Variants in TBC1D4 observed in about 807,000 individuals in gnomAD.
TBC1D4 encodes the protein TBC (Tre-2, BUB2, CDC16) domain-containing protein.
TBC1D4 carries 121 observed loss-of-function variants against 142.5 expected under a neutral mutation model. That is an observed-to-expected ratio of 0.85 (90% CI 0.73 to 0.99). The LOEUF (loss-of-function observed/expected upper bound fraction) is 0.99, where lower values mean the gene tolerates loss of function less well. TBC1D4 is among the 50% of genes least tolerant of loss of function. The pLI, the probability that TBC1D4 is intolerant of heterozygous loss-of-function variation, is 0.00. For missense variants in TBC1D4, 1,475 were observed against 1,606.6 expected (o/e 0.92, Z 1.40); for synonymous variants, 630 against 628.2 (o/e 1.00, Z -0.04).
At chr13:75,376,740 A>G (rs1297859421) in intron 1 of TBC1D4, among the ~76,000 whole-genome samples, 2 of 152,196 alleles carry the variant, frequency 1.3e-5, no homozygotes, top group African/African-American at 4.8e-5. Context: ...TAGGGCAATA[A>G]CCCACAAGTA....
At chr13:75,463,967 C>T (rs1324867332) in intron 1 of TBC1D4, among the ~76,000 whole-genome samples, 1 of 152,186 alleles carries the variant, frequency 6.6e-6, no homozygotes, top group African/African-American at 2.4e-5. Context: ...GAAAAACCAA[C>T]TCAACTCATG....
At chr13:75,364,153 C>T (rs554408268) in intron 1 of TBC1D4, among the ~76,000 whole-genome samples, 18 of 152,280 alleles carry the variant, frequency 1.2e-4, no homozygotes, top group Non-Finnish European at 2.2e-4. Context: ...TCCTGATTGG[C>T]AATTGGTTCC....
rs187410021 is a variant in TBC1D4, at chr13:75,451,489, C to T, written c.498+29781G>A. Among the ~76,000 whole-genome samples the T allele has an allele frequency of 8.7e-5, 13 of 148,876 alleles. 1 individual carries two copies. Among genetic ancestry groups the T allele is most frequent in the African/African-American group, 2.9e-4 (12 of 40,846 alleles). ...AACATATATATTAATATTTATAATA[C>T]ATATTTTGAGTGAGACTCCATCTCT... On this transcript the variant is annotated intron_variant, in intron 1 of 20. Coordinates refer to ENST00000377636, the MANE Select transcript of TBC1D4 (RefSeq NM_014832.5).
In TBC1D4 at chr13:75,392,785, G is replaced by A. The variant is rs189062353; in HGVS notation, c.499-30178C>T. ...TGAGCAGCTGGGACTACAAGCATGC[G>A]CCACCACACCAGCTAATGTTTTTCA... On this transcript the variant is annotated intron_variant, in intron 1 of 20. Coordinates refer to ENST00000377636, the MANE Select transcript of TBC1D4 (RefSeq NM_014832.5). 8.8e-4 allele frequency among the ~76,000 whole-genome samples: 134 copies of A among 152,056 alleles called. 1 individual carries two copies. Among genetic ancestry groups the A allele is most frequent in the Admixed American group, 3.6e-3 (55 of 15,258 alleles).
chr13:75,321,695 G>A (rs1878795938), intron 11 of TBC1D4, among the ~76,000 whole-genome samples: 1 of 152,202 alleles, frequency 6.6e-6, no homozygotes, highest in South Asian at 2.1e-4. Flanking sequence ...CTACCGTGTA[G>A]ATATTCATCA....
chr13:75,388,014 C>T (rs73535641), intron 1 of TBC1D4, among the ~76,000 whole-genome samples: 7,745 of 152,240 alleles, frequency 0.051, 559 homozygotes, highest in African/African-American at 0.16. Flanking sequence ...TTCAGGCTGT[C>T]ACCTGAGGGC....
intron 4 of TBC1D4, among the ~76,000 whole-genome samples, chr13:75,354,216 C>G (rs550542287): frequency 1.3e-5 from 2 of 152,216 alleles, no homozygotes; most frequent in Admixed American, 6.5e-5. Context: ...TGAAGTGAGC[C>G]CCACTGTGTG....
intron 1 of TBC1D4, among the ~76,000 whole-genome samples, chr13:75,385,288 C>G (rs1039608431): frequency 1.8e-4 from 28 of 152,182 alleles, no homozygotes; most frequent in African/African-American, 6.3e-4. Context: ...TCTCATGCCC[C>G]TTACCTATCC....
In TBC1D4 at chr13:75,283,909, T is replaced by C. The variant is rs570699931; in HGVS notation, c.*2883A>G. Among the ~76,000 whole-genome samples, 1 of 146,070 alleles carries C rather than the reference T, an allele frequency of 6.8e-6. No individual in the cohort carries two copies. Among genetic ancestry groups the C allele is most frequent in the East Asian group, 2.6e-4 (1 of 3,866 alleles). Reference sequence around the variant, plus strand: ...TTTTTTGTTTGGTTGTTTGTTTTTCTTTTTTTTTGTCAAAGTCTCACTCTG... The same window carrying C: ...TTTTTTGTTTGGTTGTTTGTTTTTCCTTTTTTTTGTCAAAGTCTCACTCTG... On this transcript the variant is annotated 3_prime_UTR_variant, in exon 21 of 21. Transcript: ENST00000377636.
chr13:75,426,003 A>C (rs1013193239), intron 1 of TBC1D4, among the ~76,000 whole-genome samples: 28 of 152,334 alleles, frequency 1.8e-4, no homozygotes, highest in Non-Finnish European at 3.5e-4. Flanking sequence ...GAGGTAATGC[A>C]TATCTTAAAT....
rs1379347062 is a variant in TBC1D4 at position 75,481,876 on chromosome 13, G to C, written c.-109C>G. On this transcript the variant is annotated 5_prime_UTR_variant, in exon 1 of 21. Transcript: ENST00000377636. ...GTGCCAACTGCCGCACCGGGCTCCCGCGCCTGCCTGGGAGCGGCGCGACCC... is the reference window on the plus strand; with the variant it reads ...GTGCCAACTGCCGCACCGGGCTCCCCCGCCTGCCTGGGAGCGGCGCGACCC... 1.5e-6 allele frequency: 2 copies of C among 1,357,020 alleles called. No individual in the cohort carries two copies. The highest frequency in any genetic ancestry group is 5.8e-5 in the East Asian group (2 of 34,210). 84.1% of individuals were successfully genotyped at this position (1,357,020 alleles called of 1,614,324 possible).
rs147640510 is a variant in TBC1D4 at position 75,325,063 on chromosome 13, G to A, written c.2034-662C>T. Reference sequence around the variant, plus strand: ...ACATTATAAAATGTGGAAAACAGAGGGAAGGATTGAGATATTTATAGTCTA... The same window carrying A: ...ACATTATAAAATGTGGAAAACAGAGAGAAGGATTGAGATATTTATAGTCTA... On this transcript the variant is annotated intron_variant, in intron 10 of 20. Coordinates refer to ENST00000377636, the MANE Select transcript of TBC1D4 (RefSeq NM_014832.5). 1.3e-3 allele frequency among the ~76,000 whole-genome samples: 191 copies of A among 152,026 alleles called. 1 individual carries two copies. The highest frequency in any genetic ancestry group is 4.5e-3 in the African/African-American group (188 of 41,480).
At chr13:75,338,083 A>G (rs1880374621) in intron 7 of TBC1D4, among the ~76,000 whole-genome samples, 1 of 152,170 alleles carries the variant, frequency 6.6e-6, no homozygotes, top group Non-Finnish European at 1.5e-5. Context: ...CTGTGAATGT[A>G]ATGTTTTAGG....
intron 13 of TBC1D4, among the ~76,000 whole-genome samples, chr13:75,311,145 A>G (rs1245543521): frequency 6.6e-6 from 1 of 152,216 alleles, no homozygotes; most frequent in African/African-American, 2.4e-5. Context: ...TGGGACTAGC[A>G]TTTAAGTTCC....
chr13:75,349,133 C>G (rs371348156), intron 5 of TBC1D4, 37 bp downstream of exon 5: 2 of 1,613,628 alleles, frequency 1.2e-6, no homozygotes, highest in African/African-American at 2.7e-5. Flanking sequence ...AATGCCAAAG[C>G]AAACTTCTCT....
At chr13:75,309,853 C>T (rs1877560702) in intron 14 of TBC1D4, 89 bp downstream of exon 14, 13 of 1,309,514 alleles carry the variant, frequency 9.9e-6, no homozygotes, top group South Asian at 6.1e-5. Flanking sequence ...AAACTGAGTG[C>T]GGATAGTATG....
chr13:75,366,010 A>G (rs1482994623), intron 1 of TBC1D4, among the ~76,000 whole-genome samples: 1 of 152,188 alleles, frequency 6.6e-6, no homozygotes, highest in Admixed American at 6.5e-5. Context: ...CACCCAAACT[A>G]GGAAGTGACG....
intron 1 of TBC1D4, among the ~76,000 whole-genome samples, chr13:75,450,589 T>A (rs924111733): frequency 1.3e-5 from 2 of 152,200 alleles, no homozygotes; most frequent in Middle Eastern, 3.2e-3. Context: ...TCCTGGAGCA[T>A]CGGTTTGTGA....
chr13:75,287,018 T>C lies in TBC1D4; in HGVS notation c.3671A>G (p.His1224Arg). The C allele has an allele frequency of 6.2e-7, 1 of 1,607,966 alleles. No homozygotes were observed. The highest frequency in any genetic ancestry group is 8.5e-7 in the Non-Finnish European group (1 of 1,179,650). The change falls in exon 21 of 21, where the codon CAT becomes CGT. Residue 1224 changes from histidine to arginine, a missense_variant. His to Arg is a conservative substitution (Grantham distance 29). This residue lies in a region of TBC1D4 where 248 missense variants were observed against 338.9 expected (regional missense o/e 0.73). Coordinates refer to ENST00000377636, the MANE Select transcript of TBC1D4 (RefSeq NM_014832.5). ...MDLLEKLQVA[H>R]TKIQALESNL... ...TGATTCCAAGGCCTGGATTTTAGTATGAGCTACCTGTTTGGGGGGGAAAAA... is the reference window on the plus strand; with the variant it reads ...TGATTCCAAGGCCTGGATTTTAGTACGAGCTACCTGTTTGGGGGGGAAAAA...
Sources: allele counts gnomAD v4.1 joint callset (sites outside exome capture counted in the v4.1 genomes callset), GRCh38; gene constraint gnomAD v4.1.1; regional missense constraint gnomAD v4.1.1; transcripts MANE v1.5; gene names NCBI Gene and HGNC (gene_info 2026-07-23, HGNC 2026-07-21).